The following UBE3B variants were observed in gnomAD, a reference collection of about 807,000 sequenced individuals.
UBE3B encodes ubiquitin-protein ligase E3B.
In UBE3B, 80 loss-of-function variants were observed where a neutral mutation model predicts 132.3. The observed-to-expected ratio is 0.60, with a 90% confidence interval of 0.50 to 0.73. The LOEUF (loss-of-function observed/expected upper bound fraction) is 0.73. Ranked by LOEUF, UBE3B falls within the 30% of genes least tolerant of loss-of-function variation. UBE3B has a pLI of 0.00. For missense variants in UBE3B, 1,196 were observed against 1,362.5 expected, an observed-to-expected ratio of 0.88 and a Z score of 1.92; for synonymous variants, 487 against 520.4, an observed-to-expected ratio of 0.94 and a Z score of 0.87.
chr12:109,496,657 TG>T (rs1399156894), intron 9 of UBE3B, among the ~76,000 whole-genome samples: 5 of 152,254 alleles, frequency 3.3e-5, no homozygotes, highest in African/African-American at 9.6e-5. Context: ...CATCTTTTCA[TG>T]TGCTTATTAA....
chr12:109,541,690 C>T (rs1056449833), downstream of UBE3B, among the ~76,000 whole-genome samples: 21 of 152,158 alleles, frequency 1.4e-4, no homozygotes, highest in African/African-American at 4.8e-4. Context: ...GTATTCTCCT[C>T]GGACAGTTCT....
chr12:109,477,979 G>C lies in UBE3B; in HGVS notation c.-258G>C, dbSNP rs1164517262. ...TTCCACCTCTTTTCACTTTGGGGACGGTAGGCCTTTATAAACGGACTAATG... is the reference window on the plus strand; with the variant it reads ...TTCCACCTCTTTTCACTTTGGGGACCGTAGGCCTTTATAAACGGACTAATG... On this transcript the variant is annotated 5_prime_UTR_variant, in exon 1 of 28. Transcript: ENST00000342494. 1.3e-5 allele frequency: 2 copies of C among 152,738 alleles called. No homozygotes were observed. The highest frequency in any genetic ancestry group is 3.8e-4 in the East Asian group (2 of 5,218). The allele number at this position is 152,738 out of a possible 1,614,324, so 9.5% of individuals were successfully genotyped here.
intron 24 of UBE3B, among the ~76,000 whole-genome samples, chr12:109,527,985 C>T (rs1882543688): frequency 6.6e-6 from 1 of 152,158 alleles, no homozygotes; most frequent in South Asian, 2.1e-4. Context: ...GTCACTCACT[C>T]TCCCCACATA....
At chr12:109,526,502 A>T (rs1882350142) in intron 24 of UBE3B, 86 bp downstream of exon 24, 3 of 1,396,124 alleles carry the variant, frequency 2.1e-6, no homozygotes, top group Non-Finnish European at 3.0e-6. Context: ...ATTTATTAAG[A>T]TAGATTGAAG....
At chr12:109,525,448 G>T (rs1473468764) in intron 23 of UBE3B, among the ~76,000 whole-genome samples, 1 of 152,214 alleles carries the variant, frequency 6.6e-6, no homozygotes, top group African/African-American at 2.4e-5. Flanking sequence ...CAGGCTGGCT[G>T]ATTCTTAAGG....
rs1241368309 is a variant in UBE3B, at chr12:109,522,119, T to TC, written c.2364+569dup. 6.6e-6 allele frequency among the ~76,000 whole-genome samples: 1 copy of TC among 152,244 alleles called. No homozygotes were observed. Among genetic ancestry groups the TC allele is most frequent in the Non-Finnish European group, 1.5e-5 (1 of 68,036 alleles). Reference sequence around the variant, plus strand: ...TTTCTTTAGTTTTTAAGCCGTGTTCTCGCATCAGTAAAGTGGAGATAAGAA... The same window carrying TC: ...TTTCTTTAGTTTTTAAGCCGTGTTCTCCGCATCAGTAAAGTGGAGATAAGAA... On this transcript the variant is annotated intron_variant, in intron 21 of 27. Transcript: ENST00000342494. The surrounding 1 kb of genome is among the most constrained non-coding windows in gnomAD (Gnocchi z 4.2).
At chr12:109,478,735 C>G (rs1178454238) in intron 1 of UBE3B, among the ~76,000 whole-genome samples, 2 of 152,196 alleles carry the variant, frequency 1.3e-5, no homozygotes, top group Admixed American at 6.5e-5. Context: ...GAGCAGAGTT[C>G]GCGCCGCTGC....
At chr12:109,518,713 T>C (rs949807532) in intron 19 of UBE3B, among the ~76,000 whole-genome samples, 1 of 152,250 alleles carries the variant, frequency 6.6e-6, no homozygotes, top group Admixed American at 6.5e-5. Flanking sequence ...TCATTGCTTA[T>C]TGGAAATTCA....
chr12:109,490,574 G>A (rs1270342228), intron 8 of UBE3B: 3 of 1,535,958 alleles, frequency 2.0e-6, no homozygotes, highest in Admixed American at 3.9e-5. Context: ...AAGCTGGTAT[G>A]ACTGGCAGTT....
chr12:109,544,097 G>C, the UBE3B span, among the ~76,000 whole-genome samples: 1 of 152,150 alleles, frequency 6.6e-6, no homozygotes, highest in Non-Finnish European at 1.5e-5. Context: ...AGAAGAGAGC[G>C]AGCTGGTTCT....
the UBE3B span, among the ~76,000 whole-genome samples, chr12:109,545,558 C>T: frequency 1.3e-5 from 2 of 152,178 alleles, no homozygotes; most frequent in Non-Finnish European, 2.9e-5. Flanking sequence ...CCCAAGGCCC[C>T]AGAGTCAGTT....
chr12:109,521,960 C>T lies in UBE3B; in HGVS notation c.2364+409C>T, dbSNP rs896199546. ...GATGGCCACACGGAGGCTGGGTCCC[C>T]GTTGTAGGAGGGCAGCATTTTGTGG... On this transcript the variant is annotated intron_variant, in intron 21 of 27. Coordinates refer to ENST00000342494, the MANE Select transcript of UBE3B (RefSeq NM_130466.4). The surrounding 1 kb of genome is among the most constrained non-coding windows in gnomAD (Gnocchi z 4.2). Among the ~76,000 whole-genome samples, 1 of 152,100 alleles carries T rather than the reference C, an allele frequency of 6.6e-6. No homozygotes were observed. The highest frequency in any genetic ancestry group is 2.4e-5 in the African/African-American group (1 of 41,412).
chr12:109,498,374 C>T, intron 11 of UBE3B, 21 bp downstream of exon 11: 3 of 1,610,426 alleles, frequency 1.9e-6, no homozygotes, highest in Non-Finnish European at 2.5e-6. Flanking sequence ...GTGGCTGGAA[C>T]TTGATTGTGT....
Position 109,526,156 on chromosome 12 carries a change from A to G in UBE3B, c.2569-202A>G, listed in dbSNP as rs557950417. 3.9e-5 allele frequency among the ~76,000 whole-genome samples: 6 copies of G among 152,318 alleles called. No homozygotes were observed. The South Asian group carries it at 1.2e-3, about 32-fold the overall frequency. ...ATGTTTGAACAAGGATTGGGTGAGAAAAAAACCTTTTGTATTGATCATGCA... is the reference window on the plus strand; with the variant it reads ...ATGTTTGAACAAGGATTGGGTGAGAGAAAAACCTTTTGTATTGATCATGCA... On this transcript the variant is annotated intron_variant, in intron 23 of 27. Coordinates refer to ENST00000342494, the MANE Select transcript of UBE3B (RefSeq NM_130466.4).
intron 9 of UBE3B, chr12:109,492,115 C>T (rs1272263238): frequency 6.6e-6 from 1 of 152,200 alleles, no homozygotes; most frequent in Non-Finnish European, 1.5e-5. Context: ...GTAGATTGTA[C>T]ATACACAAAT....
At chr12:109,545,085 C>A in the UBE3B span, among the ~76,000 whole-genome samples, 1 of 152,202 alleles carries the variant, frequency 6.6e-6, no homozygotes, top group Admixed American at 6.5e-5. Flanking sequence ...CTTCCCTGAT[C>A]GTCAGAGGCC....
intron 6 of UBE3B, among the ~76,000 whole-genome samples, chr12:109,487,086 A>G (rs1405965406): frequency 6.6e-6 from 1 of 152,122 alleles, no homozygotes. Context: ...AATCATGGCA[A>G]CGAGCAGTTT....
At chr12:109,537,991 G>A (rs192277830), downstream of UBE3B, among the ~76,000 whole-genome samples, 15 of 152,288 alleles carry the variant, frequency 9.8e-5, no homozygotes, top group South Asian at 4.1e-4. Flanking sequence ...GTGAGCCACC[G>A]CGCCCGGCCA....
Position 109,534,143 on chromosome 12 carries a change from C to T in UBE3B, c.3016-448C>T. The T allele has an allele frequency of 2.3e-6, 3 of 1,288,718 alleles. No individual in the cohort carries two copies. Among genetic ancestry groups the T allele is most frequent in the Non-Finnish European group, 3.0e-6 (3 of 991,528 alleles). 79.8% of individuals were successfully genotyped at this position (1,288,718 alleles called of 1,614,324 possible). On this transcript the variant is annotated intron_variant, in intron 27 of 27. Transcript: ENST00000342494. This position sits in a 1 kb window ranked among gnomAD's most constrained non-coding sequence, Gnocchi z 5.2. ...CATGATGCAGTTTGAGCCCGTGATGCCACCTTGTACAGGAAGCTACACAGT... is the reference window on the plus strand; with the variant it reads ...CATGATGCAGTTTGAGCCCGTGATGTCACCTTGTACAGGAAGCTACACAGT...
Sources: allele counts gnomAD v4.1 joint callset (sites outside exome capture counted in the v4.1 genomes callset), GRCh38; gene constraint gnomAD v4.1.1; non-coding constraint Gnocchi (gnomAD v3.1); transcripts MANE v1.5; gene names NCBI Gene and HGNC (gene_info 2026-07-23, HGNC 2026-07-21).